The following EPS8 variants were observed in gnomAD, a reference collection of about 807,000 sequenced individuals.
EPS8 encodes epidermal growth factor receptor kinase substrate 8.
In EPS8, 42 loss-of-function variants were observed where a neutral mutation model predicts 103.8. That is an observed-to-expected ratio of 0.40 (90% CI 0.32 to 0.52). EPS8 has a LOEUF of 0.52. Ranked by LOEUF, EPS8 falls within the 20% of genes least tolerant of loss-of-function variation. The pLI, the probability that EPS8 is intolerant of heterozygous loss-of-function variation, is 0.40. For missense variants in EPS8, 969 were observed against 1,005.1 expected (o/e 0.96, Z 0.49); for synonymous variants, 344 against 344.6 (o/e 1.00, Z 0.02).
chr12:15,703,494 T>C (rs1451886985), intron 1 of EPS8, among the ~76,000 whole-genome samples: 1 of 151,894 alleles, frequency 6.6e-6, no homozygotes, highest in African/African-American at 2.4e-5. Context: ...ATTCCAGACA[T>C]ATACAAAGGA....
chr12:15,663,950 T>TAATAATAATA (rs375723916), intron 8 of EPS8, among the ~76,000 whole-genome samples: 1,358 of 61,418 alleles, frequency 0.022, 26 homozygotes, highest in Non-Finnish European at 0.027. Context: ...AAAAAAATAA[T>TAATAATAATA]ATATATATAT....
chr12:15,676,975 C>G (rs1263343933), intron 3 of EPS8, among the ~76,000 whole-genome samples: 1 of 152,050 alleles, frequency 6.6e-6, no homozygotes, highest in African/African-American at 2.4e-5. Context: ...TACAATTATA[C>G]CACTTATAAA....
At chr12:15,708,565 G>A (rs369006680) in intron 1 of EPS8, among the ~76,000 whole-genome samples, 1 of 152,298 alleles carries the variant, frequency 6.6e-6, no homozygotes, top group East Asian at 1.9e-4. Flanking sequence ...TCTGAGATGT[G>A]TGCATGTACA....
intron 1 of EPS8, among the ~76,000 whole-genome samples, chr12:15,711,481 AG>A (rs1433357731): frequency 6.6e-6 from 1 of 152,174 alleles, no homozygotes; most frequent in Non-Finnish European, 1.5e-5. Context: ...TTATAACTCA[AG>A]CTACTGCAGA....
rs139701573 is a variant in EPS8, at chr12:15,623,957, G to T, written c.2225+270C>A. On this transcript the variant is annotated intron_variant, in intron 19 of 20. Transcript: ENST00000281172. ...AATCTGATGGAGAAAAGAAGCTACT[G>T]GGCCTCAAAGCTGCCAATAGTTTGC... Among the ~76,000 whole-genome samples the T allele has an allele frequency of 3.9e-5, 6 of 152,276 alleles. No individual in the cohort carries two copies. In the East Asian group the frequency reaches 1.2e-3, roughly 29 times the overall value.
intron 1 of EPS8, among the ~76,000 whole-genome samples, chr12:15,743,609 A>T (rs374244867): frequency 7.9e-5 from 12 of 152,322 alleles, no homozygotes; most frequent in East Asian, 5.8e-4. Flanking sequence ...ATAATACCAC[A>T]TATCTACAAC....
chr12:15,662,503 T>G (rs894128310), intron 8 of EPS8: 1 of 992,738 alleles, frequency 1.0e-6, no homozygotes, highest in African/African-American at 1.7e-5. Context: ...AGCTATAATT[T>G]TTATACATTC....
chr12:15,624,088 TG>T (rs2135711344), intron 19 of EPS8, 138 bp downstream of exon 19: 1 of 629,166 alleles, frequency 1.6e-6, no homozygotes, highest in East Asian at 2.9e-5. Flanking sequence ...ACAGCTATAG[TG>T]AGTTCTTGAG....
At position 15,736,522 on chromosome 12, in the gene EPS8, T is replaced by C. The variant is rs1281503921; in HGVS notation, c.-22+52639A>G. Among the ~76,000 whole-genome samples the C allele has an allele frequency of 6.6e-6, 1 of 152,228 alleles. No homozygotes were observed. The highest frequency in any genetic ancestry group is 1.5e-5 in the Non-Finnish European group (1 of 68,036). On this transcript the variant is annotated intron_variant, in intron 1 of 20. Coordinates refer to ENST00000281172, the MANE Select transcript of EPS8 (RefSeq NM_004447.6). This position sits in a 1 kb window ranked among gnomAD's most constrained non-coding sequence, Gnocchi z 4.2. Reference sequence around the variant, plus strand: ...ACCCTCTATCTATGTGCTGAACTTCTGCATTTTACTCACAGAAGATGCCCT... The same window carrying C: ...ACCCTCTATCTATGTGCTGAACTTCCGCATTTTACTCACAGAAGATGCCCT...
rs942560475 is a variant in EPS8, at chr12:15,725,035, A to G, written c.-21-42063T>C. On this transcript the variant is annotated intron_variant, in intron 1 of 20. Transcript: ENST00000281172. The surrounding 1 kb of genome is among the most constrained non-coding windows in gnomAD (Gnocchi z 4.5). Reference sequence around the variant, plus strand: ...ATTATGTCACAATGAAAAAAATTCAACATCCACAGATCACTCACTCCTAGG... The same window carrying G: ...ATTATGTCACAATGAAAAAAATTCAGCATCCACAGATCACTCACTCCTAGG... Among the ~76,000 whole-genome samples, 3 of 152,146 alleles carry G rather than the reference A, an allele frequency of 2.0e-5. No homozygotes were observed. Among genetic ancestry groups the G allele is most frequent in the Admixed American group, 6.5e-5 (1 of 15,270 alleles).
In EPS8 at chr12:15,752,097, C is replaced by G. The variant is rs78737291; in HGVS notation, c.-22+37064G>C. Among the ~76,000 whole-genome samples, 1,221 of 152,250 alleles carry G rather than the reference C, an allele frequency of 8.0e-3. 17 individuals carry two copies. Among genetic ancestry groups the G allele is most frequent in the African/African-American group, 0.027 (1,140 of 41,534 alleles). On this transcript the variant is annotated intron_variant, in intron 1 of 20. Coordinates refer to ENST00000281172, the MANE Select transcript of EPS8 (RefSeq NM_004447.6). The surrounding 1 kb of genome is among the most constrained non-coding windows in gnomAD (Gnocchi z 4.4). ...ATCAGACTGAGACACAAAGTTAATACAGAATCATTAGCAATGGTACTTGAT... is the reference window on the plus strand; with the variant it reads ...ATCAGACTGAGACACAAAGTTAATAGAGAATCATTAGCAATGGTACTTGAT...
At position 15,654,289 on chromosome 12, in the gene EPS8, A is replaced by G. The variant is rs769739145; in HGVS notation, c.1106T>C (p.Val369Ala). ...HFLFTPLNMV[V>A]QATGGPELAS... The stretch of plus-strand genomic sequence containing the variant: ...TAGTTCAGGACCTCCTGTTGCCTGC[A>G]CCACCTAAGATAATAAACCATTTTT... Residue 369 changes from valine (V) to alanine (A), a missense_variant, in exon 13 of 21, where the codon GTG (valine) becomes GCG (alanine). Val to Ala is a moderately conservative substitution (Grantham distance 64). Transcript: ENST00000281172. 90 of 1,612,900 alleles carry G rather than the reference A, an allele frequency of 5.6e-5. No homozygotes were observed. Among genetic ancestry groups the G allele is most frequent in the Non-Finnish European group, 7.5e-5 (88 of 1,179,502 alleles).
intron 8 of EPS8, among the ~76,000 whole-genome samples, chr12:15,663,951 AT>A (rs369816895): frequency 0.21 from 8,199 of 39,420 alleles, 775 homozygotes; most frequent in African/African-American, 0.44. Flanking sequence ...AAAAAATAAT[AT>A]ATATATATAT....
In EPS8 at chr12:15,776,486, C is replaced by T. The variant is rs1947207822; in HGVS notation, c.-22+12675G>A. ...ACACAGACCTAGATTGGCCTCTATG[C>T]ATCAGCAAGCATTTGTTACACCTAA... On this transcript the variant is annotated intron_variant, in intron 1 of 20. Coordinates refer to ENST00000281172, the MANE Select transcript of EPS8 (RefSeq NM_004447.6). This position sits in a 1 kb window ranked among gnomAD's most constrained non-coding sequence, Gnocchi z 4.2. Among the ~76,000 whole-genome samples, 1 of 152,146 alleles carries T rather than the reference C, an allele frequency of 6.6e-6. No individual in the cohort carries two copies.
rs1218806636 is a variant in EPS8, at chr12:15,690,418, C to G, written c.-21-7446G>C. ...TTTCTAGTGTATTATAATGCACATA[C>G]TTACACTACCCCCAAACTACTTCTC... On this transcript the variant is annotated intron_variant, in intron 1 of 20. Transcript: ENST00000281172. This position sits in a 1 kb window ranked among gnomAD's most constrained non-coding sequence, Gnocchi z 4.7. Among the ~76,000 whole-genome samples the G allele has an allele frequency of 6.6e-6, 1 of 152,074 alleles. No homozygotes were observed. Among genetic ancestry groups the G allele is most frequent in the Non-Finnish European group, 1.5e-5 (1 of 68,018 alleles).
chr12:15,646,187 C>T (rs988686514), intron 15 of EPS8, among the ~76,000 whole-genome samples: 1 of 151,956 alleles, frequency 6.6e-6, no homozygotes, highest in Admixed American at 6.6e-5. Flanking sequence ...GTCACTGGTG[C>T]CCTTGGAGTT....
intron 17 of EPS8, 112 bp from the exon 18 acceptor site, chr12:15,631,776 C>G: frequency 1.3e-6 from 1 of 748,726 alleles, no homozygotes; most frequent in Non-Finnish European, 2.2e-6. Context: ...TACTTGCAAA[C>G]CCATTACTCA....
At chr12:15,729,157 C>T (rs972340625) in intron 1 of EPS8, among the ~76,000 whole-genome samples, 2 of 152,140 alleles carry the variant, frequency 1.3e-5, no homozygotes, top group Non-Finnish European at 2.9e-5. Context: ...AAGTCACCCC[C>T]CGACCTGTCA....
intron 6 of EPS8, among the ~76,000 whole-genome samples, chr12:15,668,475 T>C (rs924241078): frequency 2.2e-4 from 33 of 152,220 alleles, no homozygotes; most frequent in African/African-American, 7.7e-4. Context: ...GATTTCTCTT[T>C]TAAAGAAAAC....
Sources: gnomAD v4.1 joint callset for allele counts (sites outside exome capture counted in the v4.1 genomes callset) on GRCh38, gnomAD v4.1.1 for gene constraint, Gnocchi (gnomAD v3.1) non-coding constraint, MANE v1.5 for transcripts, NCBI Gene and HGNC (gene_info 2026-07-23, HGNC 2026-07-21) for gene names.